Variants in RAP1GDS1 observed in about 807,000 individuals in gnomAD.
RAP1GDS1 encodes the protein RAP1, GTP-GDP dissociation stimulator 1.
RAP1GDS1 carries 35 observed loss-of-function variants against 71.1 expected under a neutral mutation model. The observed-to-expected ratio is 0.49, with a 90% CI of 0.38 to 0.65. The LOEUF (loss-of-function observed/expected upper bound fraction) is 0.65, where lower values mean the gene tolerates loss of function less well. RAP1GDS1 is among the 30% of genes least tolerant of loss of function. The pLI, the probability that RAP1GDS1 is intolerant of heterozygous loss-of-function variation, is 0.00. For synonymous variants in RAP1GDS1, 229 were observed against 243.1 expected, an observed-to-expected ratio of 0.94 and a Z score of 0.54; for missense variants, 663 against 706.1, an observed-to-expected ratio of 0.94 and a Z score of 0.69.
Position 98,442,192 on chromosome 4 carries a change from A to C in RAP1GDS1, c.*75A>C. The C allele has an allele frequency of 6.4e-7, 1 of 1,563,892 alleles. No homozygotes were observed. Among genetic ancestry groups the C allele is most frequent in the African/African-American group, 1.4e-5 (1 of 74,052 alleles). On this transcript the variant is annotated 3_prime_UTR_variant, in exon 15 of 15. Transcript: ENST00000408927. ...TCCATCCAGCGGCTTCTTCCGCTTC[A>C]TTCTCTACCATACCACTTGTGCATG...
chr4:98,416,856 G>T lies in RAP1GDS1; in HGVS notation c.875G>T (p.Gly292Val). ...KEDDITELKT[G>V]SDLMVLLLLG... Reference sequence around the variant, plus strand: ...GATGATATTACTGAGCTCAAAACTGGTTCAGATCTCATGGTTTTATTACTT... The same window carrying T: ...GATGATATTACTGAGCTCAAAACTGTTTCAGATCTCATGGTTTTATTACTT... The change falls in exon 8 of 15, where the codon GGT becomes GTT. Residue 292 changes from glycine to valine, a missense_variant. Transcript: ENST00000408927. 1 of 1,613,806 alleles carries T rather than the reference G, an allele frequency of 6.2e-7. No individual in the cohort carries two copies. The highest frequency in any genetic ancestry group is 1.1e-5 in the South Asian group (1 of 91,048).
In RAP1GDS1 at chr4:98,325,872, T is replaced by C. The variant is rs577684539; in HGVS notation, c.113-17267T>C. On this transcript the variant is annotated intron_variant, in intron 2 of 14. Coordinates refer to ENST00000408927, the MANE Select transcript of RAP1GDS1 (RefSeq NM_001100427.2). ...CACCAGCATGGCACATGTATACATA[T>C]GTAACTAACGTGCACAATATGCACA... Among the ~76,000 whole-genome samples, 17 of 151,004 alleles carry C rather than the reference T, an allele frequency of 1.1e-4. No homozygotes were observed. The East Asian group carries it at 2.4e-3, about 21-fold the overall frequency.
At chr4:98,332,206 G>A (rs1734112699) in intron 2 of RAP1GDS1, among the ~76,000 whole-genome samples, 1 of 152,138 alleles carries the variant, frequency 6.6e-6, no homozygotes, top group Non-Finnish European at 1.5e-5. Flanking sequence ...TGTGTCTAAG[G>A]TTATGACTCT....
intron 11 of RAP1GDS1, 129 bp from the exon 12 acceptor site, chr4:98,421,126 A>T: frequency 9.9e-7 from 1 of 1,008,356 alleles, no homozygotes; most frequent in Non-Finnish European, 1.4e-6. Flanking sequence ...GAATATTTGC[A>T]GTTCTAGCTT....
chr4:98,330,069 C>T (rs58118567), intron 2 of RAP1GDS1, among the ~76,000 whole-genome samples: 21,158 of 152,022 alleles, frequency 0.14, 2,110 homozygotes, highest in African/African-American at 0.28. Flanking sequence ...GCAGCACATC[C>T]TGCACTGCCC....
rs978711667 is a variant in RAP1GDS1 at position 98,382,747 on chromosome 4, TATC to T, written c.508+3585_508+3587del. ...TGATTGACTTTTTCTGGATACTTAT[TATC>T]GTCTAAAATTTTCATTAGCAAATTC... On this transcript the variant is annotated intron_variant, in intron 5 of 14. Transcript: ENST00000408927. Among the ~76,000 whole-genome samples the T allele has an allele frequency of 2.1e-4, 32 of 151,756 alleles. 1 individual carries two copies. The highest frequency in any genetic ancestry group is 1.1e-3 in the Admixed American group (16 of 15,210).
chr4:98,272,713 A>G (rs1723649049), intron 1 of RAP1GDS1, among the ~76,000 whole-genome samples: 1 of 151,938 alleles, frequency 6.6e-6, no homozygotes, highest in Admixed American at 6.6e-5. Context: ...TTTTTGGTGC[A>G]AGTTTGGCTT....
intron 4 of RAP1GDS1, among the ~76,000 whole-genome samples, chr4:98,361,058 C>T (rs893659628): frequency 3.5e-5 from 5 of 142,754 alleles, no homozygotes; most frequent in South Asian, 2.2e-4. Context: ...GCCTAGGTGA[C>T]GGAGTGAGAC....
At chr4:98,392,218 C>T in intron 6 of RAP1GDS1, 138 bp downstream of exon 6, 1 of 834,242 alleles carries the variant, frequency 1.2e-6, no homozygotes, top group Non-Finnish European at 1.7e-6. Context: ...ATATTTCCAT[C>T]AATATTTTAA....
chr4:98,286,612 C>T (rs762404732), intron 1 of RAP1GDS1, among the ~76,000 whole-genome samples: 12 of 151,944 alleles, frequency 7.9e-5, no homozygotes, highest in Non-Finnish European at 1.3e-4. Context: ...AGGCCAGGCG[C>T]GGTGGCTAAC....
intron 9 of RAP1GDS1, among the ~76,000 whole-genome samples, chr4:98,418,090 G>A (rs1189023142): frequency 6.6e-6 from 1 of 151,954 alleles, no homozygotes; most frequent in East Asian, 1.9e-4. Flanking sequence ...TCATCTTCCA[G>A]TACAAACTGT....
chr4:98,401,500 G>A (rs1380237825), intron 6 of RAP1GDS1, among the ~76,000 whole-genome samples: 5 of 152,158 alleles, frequency 3.3e-5, no homozygotes, highest in Non-Finnish European at 5.9e-5. Flanking sequence ...TAATACGTAA[G>A]TAAACAGTAT....
At chr4:98,273,020 C>G (rs982347858) in intron 1 of RAP1GDS1, among the ~76,000 whole-genome samples, 2 of 152,132 alleles carry the variant, frequency 1.3e-5, no homozygotes, top group African/African-American at 2.4e-5. Context: ...TCGGCAACTT[C>G]TCGTGTAGTT....
At chr4:98,277,576 T>C (rs1724415494) in intron 1 of RAP1GDS1, among the ~76,000 whole-genome samples, 1 of 152,208 alleles carries the variant, frequency 6.6e-6, no homozygotes, top group South Asian at 2.1e-4. Context: ...GTCTTCTTAG[T>C]CATTTTTCAT....
intron 2 of RAP1GDS1, among the ~76,000 whole-genome samples, chr4:98,331,342 C>T (rs1429077858): frequency 5.8e-5 from 7 of 120,608 alleles, no homozygotes; most frequent in South Asian, 5.2e-4. Context: ...ACAGAGACCA[C>T]GGAGAGGGAG....
chr4:98,389,388 A>T (rs1479449843), intron 5 of RAP1GDS1, among the ~76,000 whole-genome samples: 1 of 151,886 alleles, frequency 6.6e-6, no homozygotes. Context: ...CAAATTTTAG[A>T]ATTATTTGAG....
chr4:98,321,601 T>A (rs973556611), intron 2 of RAP1GDS1, among the ~76,000 whole-genome samples: 12 of 151,448 alleles, frequency 7.9e-5, no homozygotes, highest in African/African-American at 2.9e-4. Context: ...GCCAGAAGAG[T>A]GGGGGCCAAT....
chr4:98,357,640 GT>G (rs747692972), intron 4 of RAP1GDS1, among the ~76,000 whole-genome samples: 4 of 151,910 alleles, frequency 2.6e-5, no homozygotes, highest in Non-Finnish European at 5.9e-5. Flanking sequence ...CACTAAATAT[GT>G]TTTTTTATCA....
intron 2 of RAP1GDS1, among the ~76,000 whole-genome samples, chr4:98,301,176 CATT>C (rs946840381): frequency 3.3e-5 from 5 of 151,812 alleles, no homozygotes; most frequent in Non-Finnish European, 7.4e-5. Context: ...GAACTGAATT[CATT>C]ATTATTATTT....
Sources: allele counts gnomAD v4.1 joint callset (sites outside exome capture counted in the v4.1 genomes callset), GRCh38; gene constraint gnomAD v4.1.1; transcripts MANE v1.5; gene names NCBI Gene and HGNC (gene_info 2026-07-23, HGNC 2026-07-21).